ZBED4: variants seen among roughly 807,000 people sequenced by gnomAD.
The protein encoded by ZBED4 is zinc finger BED-type containing 4.
ZBED4 carries 4 observed loss-of-function variants against 15.5 expected under a neutral mutation model. The ratio of observed to expected loss-of-function variants is 0.26; its 90% CI spans 0.13 to 0.59. The LOEUF (loss-of-function observed/expected upper bound fraction) is 0.59. Ranked by LOEUF, ZBED4 falls within the 20% of genes least tolerant of loss-of-function variation. The pLI is 0.90. For missense variants in ZBED4, 1,323 were observed against 1,461.8 expected (o/e 0.91, Z 1.55); for synonymous variants, 692 against 608.5 (o/e 1.14, Z -2.02).
intron 1 of ZBED4, among the ~76,000 whole-genome samples, chr22:49,877,892 C>T (rs982631566): frequency 3.9e-5 from 6 of 152,092 alleles, no homozygotes; most frequent in Admixed American, 6.5e-5. Context: ...ATCCGTGTTG[C>T]GTGTATCCAT....
At chr22:49,869,869 A>G (rs1341480930) in intron 1 of ZBED4, among the ~76,000 whole-genome samples, 1 of 152,174 alleles carries the variant, frequency 6.6e-6, no homozygotes, top group Non-Finnish European at 1.5e-5. Flanking sequence ...ACGACATGGT[A>G]TATTGCGTGA....
intron 1 of ZBED4, among the ~76,000 whole-genome samples, chr22:49,882,812 C>T (rs755493992): frequency 2.8e-4 from 42 of 152,330 alleles, no homozygotes; most frequent in Middle Eastern, 3.4e-3. Flanking sequence ...CGGTTTTCAC[C>T]CACAGGACGC....
At chr22:49,865,120 G>A (rs797008062) in intron 1 of ZBED4, among the ~76,000 whole-genome samples, 5 of 152,258 alleles carry the variant, frequency 3.3e-5, no homozygotes, top group African/African-American at 9.6e-5. Flanking sequence ...GAACCTCATA[G>A]AGTGCACCTA....
Position 49,871,764 on chromosome 22 carries a change from T to A in ZBED4, c.-329-11570T>A, listed in dbSNP as rs867819240. 1.6e-3 allele frequency among the ~76,000 whole-genome samples: 241 copies of A among 150,458 alleles called. 3 individuals carry two copies. In the South Asian group the frequency reaches 0.022, roughly 14 times the overall value. ...CAATTTATTTATTTATTTATTTTTTTTTTTTTTTGAGACAGAGTCTTACTC... is the reference window on the plus strand; with the variant it reads ...CAATTTATTTATTTATTTATTTTTTATTTTTTTTGAGACAGAGTCTTACTC... On this transcript the variant is annotated intron_variant, in intron 1 of 1. Transcript: ENST00000216268.
chr22:49,878,470 A>T (rs1305617252), intron 1 of ZBED4, among the ~76,000 whole-genome samples: 1 of 152,190 alleles, frequency 6.6e-6, no homozygotes, highest in South Asian at 2.1e-4. Context: ...CGAGCAACCA[A>T]TTCTCAACAA....
chr22:49,863,152 C>G (rs1467024002), intron 1 of ZBED4, among the ~76,000 whole-genome samples: 1 of 152,098 alleles, frequency 6.6e-6, no homozygotes, highest in African/African-American at 2.4e-5. Context: ...GTTCCTCTAT[C>G]CTTTGGTTTC....
At chr22:49,854,979 G>A (rs781738924) in intron 1 of ZBED4, among the ~76,000 whole-genome samples, 80 of 152,152 alleles carry the variant, frequency 5.3e-4, no homozygotes, top group Middle Eastern at 3.4e-3. Context: ...TTGAGGCTAG[G>A]AAGGATTTGG....
chr22:49,886,053 C>T lies in ZBED4; in HGVS notation c.2391C>T (p.Thr797=), dbSNP rs2060436982. The T allele has an allele frequency of 1.5e-6, 1 of 680,242 alleles. No homozygotes were observed. The highest frequency in any genetic ancestry group is 1.8e-5 in the African/African-American group (1 of 55,838). 42.1% of individuals were successfully genotyped at this position (680,242 alleles called of 1,614,324 possible). ...AGTGCTGGTGGGAAGCGTGGGTGACCTCCACCGGCCTTCAGGTGGGCATCA... is the reference window on the plus strand; with the variant it reads ...AGTGCTGGTGGGAAGCGTGGGTGACTTCCACCGGCCTTCAGGTGGGCATCA... The part of the protein sequence containing the change: ...QLECWWEAWV[T]STGLQVGITV... The change falls in exon 2 of 2, where the codon ACC becomes ACT. Residue 797 remains threonine, a synonymous_variant. Transcript: ENST00000216268. This position sits in a 1 kb window ranked among gnomAD's most constrained non-coding sequence, Gnocchi z 7.7.
chr22:49,863,542 G>T (rs2060306901), intron 1 of ZBED4, among the ~76,000 whole-genome samples: 1 of 151,926 alleles, frequency 6.6e-6, no homozygotes, highest in Admixed American at 6.6e-5. Context: ...CAGGAGAATT[G>T]CTTGAACCGG....
chr22:49,887,074 C>T lies in ZBED4; in HGVS notation c.3412C>T (p.Pro1138Ser), dbSNP rs1409978061. The change falls in exon 2 of 2, where the codon CCC becomes TCC. Residue 1138 changes from proline (P) to serine (S), a missense_variant. Pro to Ser is a moderately conservative substitution (Grantham distance 74, BLOSUM62 -1). Coordinates refer to ENST00000216268, the MANE Select transcript of ZBED4 (RefSeq NM_014838.3). The stretch of plus-strand genomic sequence containing the variant: ...CCCTTCAGAAAAGCTGTTCAACACA[C>T]CCACTGAGAACGGTAGCCTTGGCCA... ...IVPSEKLFNT[P>S]TENGSLGQSR... is the part of the protein sequence containing the mutation. 6.2e-7 allele frequency: 1 copy of T among 1,614,062 alleles called. No individual in the cohort carries two copies. The highest frequency in any genetic ancestry group is 1.3e-5 in the African/African-American group (1 of 74,936).
intron 1 of ZBED4, among the ~76,000 whole-genome samples, chr22:49,866,894 C>G (rs2060324621): frequency 6.6e-6 from 1 of 152,202 alleles, no homozygotes; most frequent in Non-Finnish European, 1.5e-5. Context: ...TGGCTCTCGG[C>G]AAATGCACGT....
chr22:49,871,753 A>ATTTT (rs761012447), intron 1 of ZBED4, among the ~76,000 whole-genome samples: 5 of 46,734 alleles, frequency 1.1e-4, no homozygotes, highest in East Asian at 1.0e-3. Context: ...TTATTTATTT[A>ATTTT]TTTATTTTTT....
At chr22:49,869,923 A>G (rs1427926146) in intron 1 of ZBED4, among the ~76,000 whole-genome samples, 1 of 152,154 alleles carries the variant, frequency 6.6e-6, no homozygotes, top group East Asian at 1.9e-4. Context: ...GATCGTGAGC[A>G]TGGTACTCAA....
chr22:49,879,140 T>G (rs1429027366), intron 1 of ZBED4, among the ~76,000 whole-genome samples: 1 of 144,288 alleles, frequency 6.9e-6, no homozygotes, highest in African/African-American at 2.6e-5. Flanking sequence ...TGGGACTCCA[T>G]CTCAAAAAAA....
Position 49,883,466 on chromosome 22 carries a change from A to G in ZBED4, c.-197A>G, listed in dbSNP as rs2060419853. 2 of 661,822 alleles carry G rather than the reference A, an allele frequency of 3.0e-6. No individual in the cohort carries two copies. Among genetic ancestry groups the G allele is most frequent in the South Asian group, 3.3e-5 (1 of 30,084 alleles). The allele number at this position is 661,822 out of a possible 1,614,324, so 41.0% of individuals were successfully genotyped here. On this transcript the variant is annotated 5_prime_UTR_variant, in exon 2 of 2. Coordinates refer to ENST00000216268, the MANE Select transcript of ZBED4 (RefSeq NM_014838.3). ...TTTAGTAGCAGGACTCTTGGAAAGC[A>G]GTGATCTATGCTGTAAGACCATGAG...
In ZBED4 at chr22:49,886,935, G is replaced by A; in HGVS notation, c.3273G>A (p.Glu1091=). The A allele has an allele frequency of 6.2e-7, 1 of 1,614,138 alleles. No homozygotes were observed. Among genetic ancestry groups the A allele is most frequent in the Non-Finnish European group, 8.5e-7 (1 of 1,180,032 alleles). Residue 1091 remains glutamate (E), a synonymous_variant, in exon 2 of 2, where the codon GAG becomes GAA. Coordinates refer to ENST00000216268, the MANE Select transcript of ZBED4 (RefSeq NM_014838.3). The surrounding 1 kb of genome is among the most constrained non-coding windows in gnomAD (Gnocchi z 7.7). ...CCATGGTGCTTGCGTATCTGGAGGA[G>A]GAGGTGCTTGAACACAGCTGTGACC... is the stretch of plus-strand genomic sequence containing the variant. The part of the protein sequence containing the change: ...PEAMVLAYLE[E]EVLEHSCDPL...
intron 1 of ZBED4, among the ~76,000 whole-genome samples, chr22:49,873,311 T>G (rs1447079701): frequency 6.6e-6 from 1 of 152,154 alleles, no homozygotes; most frequent in East Asian, 1.9e-4. Flanking sequence ...TCGGCCTAAT[T>G]CTAATTTCTC....
In ZBED4 at chr22:49,886,756, G is replaced by A; in HGVS notation, c.3094G>A (p.Glu1032Lys). Residue 1032 changes from glutamate to lysine, a missense_variant, in exon 2 of 2, where the codon GAA (glutamate) becomes AAA (lysine). Physicochemically the swap from Glu to Lys is moderately conservative, Grantham distance 56. Around this residue, in one of 6 missense-constraint regions of ZBED4, gnomAD observed 312 missense variants for 410.7 expected, o/e 0.76. Coordinates refer to ENST00000216268, the MANE Select transcript of ZBED4 (RefSeq NM_014838.3). The surrounding 1 kb of genome is among the most constrained non-coding windows in gnomAD (Gnocchi z 7.7). ...AEQYKQDLIR[E>K]LELMNSTSED... ...GCAGTACAAACAGGATTTAATCAGG[G>A]AACTCGAACTCATGAATTCTACCTC... 1 of 1,612,520 alleles carries A rather than the reference G, an allele frequency of 6.2e-7. No homozygotes were observed. Among genetic ancestry groups the A allele is most frequent in the Non-Finnish European group, 8.5e-7 (1 of 1,179,364 alleles).
Position 49,883,610 on chromosome 22 carries a change from T to A in ZBED4, c.-53T>A. On this transcript the variant is annotated 5_prime_UTR_variant, in exon 2 of 2. In the 5' UTR this introduces an upstream ATG that the reference lacks. Coordinates refer to ENST00000216268, the MANE Select transcript of ZBED4 (RefSeq NM_014838.3). ...TACATTCGGGGGCACAAATGAGCACTTGGATCAGTGTTTTATGAACCTAAG... is the reference window on the plus strand; with the variant it reads ...TACATTCGGGGGCACAAATGAGCACATGGATCAGTGTTTTATGAACCTAAG... 6.8e-7 allele frequency: 1 copy of A among 1,474,044 alleles called. No individual in the cohort carries two copies. Among genetic ancestry groups the A allele is most frequent in the Non-Finnish European group, 9.0e-7 (1 of 1,106,460 alleles). 91.3% of individuals were successfully genotyped at this position (1,474,044 alleles called of 1,614,324 possible).
Sources: allele counts gnomAD v4.1 joint callset (sites outside exome capture counted in the v4.1 genomes callset), GRCh38; gene constraint gnomAD v4.1.1; regional missense constraint gnomAD v4.1.1; non-coding constraint Gnocchi (gnomAD v3.1); transcripts MANE v1.5; gene names NCBI Gene and HGNC (gene_info 2026-07-23, HGNC 2026-07-21).